OPN5: variants seen among roughly 807,000 people sequenced by gnomAD.
OPN5 encodes opsin 5.
Under a neutral mutation model 41.7 loss-of-function variants are expected in OPN5, and 18 were observed. That is an observed-to-expected ratio of 0.43 (90% CI 0.30 to 0.64). The LOEUF (loss-of-function observed/expected upper bound fraction) is 0.64, where lower values mean the gene tolerates loss of function less well. Among genes scored for constraint, OPN5 ranks in the 30% least tolerant of loss-of-function variants. OPN5 has a pLI of 0.13. For missense variants in OPN5, 318 were observed against 434.5 expected, an observed-to-expected ratio of 0.73 and a Z score of 2.38; for synonymous variants, 178 against 164.3, an observed-to-expected ratio of 1.08 and a Z score of -0.64.
intron 3 of OPN5, among the ~76,000 whole-genome samples, chr6:47,793,257 T>A (rs1773443510): frequency 6.6e-6 from 1 of 152,166 alleles, no homozygotes; most frequent in Non-Finnish European, 1.5e-5. Context: ...TGTTTTTAAA[T>A]ATTTTCTTGA....
At chr6:47,818,844 G>A (rs1208866567) in intron 6 of OPN5, among the ~76,000 whole-genome samples, 2 of 152,162 alleles carry the variant, frequency 1.3e-5, no homozygotes, top group South Asian at 2.1e-4. Flanking sequence ...AAGGGTTAGA[G>A]CAACTGGAGT....
chr6:47,825,142 T>G (rs1400529086), downstream of OPN5: 5 of 152,186 alleles, frequency 3.3e-5, no homozygotes, highest in Non-Finnish European at 5.9e-5. Context: ...AAATGCCTAA[T>G]GCATAAACAC....
intron 3 of OPN5, among the ~76,000 whole-genome samples, chr6:47,794,323 A>G (rs551570053): frequency 6.6e-6 from 1 of 152,350 alleles, no homozygotes; most frequent in South Asian, 2.1e-4. Flanking sequence ...AAACCAAGGC[A>G]GTAAAGAGTC....
intron 6 of OPN5, 120 bp from the exon 7 acceptor site, chr6:47,823,863 G>C (rs567441229): frequency 1.3e-6 from 1 of 762,920 alleles, no homozygotes; most frequent in Admixed American, 2.1e-5. Flanking sequence ...AATGTCCATC[G>C]CAATCCTGGT....
rs186901435 is a variant in OPN5, at chr6:47,803,358, G to C, written c.757-4796G>C. 2.0e-5 allele frequency among the ~76,000 whole-genome samples: 3 copies of C among 152,208 alleles called. No homozygotes were observed. In the East Asian group the frequency reaches 5.8e-4, roughly 29 times the overall value. On this transcript the variant is annotated intron_variant, in intron 4 of 6. Coordinates refer to ENST00000371211, the Ensembl canonical transcript of OPN5. ...TAGTAGTCTCATAACTGGAATTACTGTCTTTTAATATTATTTTCTTACTGG... is the reference window on the plus strand; with the variant it reads ...TAGTAGTCTCATAACTGGAATTACTCTCTTTTAATATTATTTTCTTACTGG...
intron 6 of OPN5, among the ~76,000 whole-genome samples, chr6:47,814,057 G>A (rs562216236): frequency 3.3e-4 from 50 of 152,164 alleles, no homozygotes; most frequent in African/African-American, 1.1e-3. Context: ...TCATTATAAC[G>A]ATATAGTTAT....
chr6:47,819,235 T>G (rs1762521717), intron 6 of OPN5, among the ~76,000 whole-genome samples: 8 of 150,360 alleles, frequency 5.3e-5, no homozygotes, highest in Admixed American at 3.3e-4. Flanking sequence ...CAAGAATATG[T>G]GGCTGTTGAA....
chr6:47,811,675 C>T, exon 6 of OPN5: 1 of 1,610,598 alleles, frequency 6.2e-7, no homozygotes, highest in Non-Finnish European at 8.5e-7. Flanking sequence ...TATATCTAGG[C>T]TGCACACCGT....
chr6:47,782,247 G>T (rs1773109865), intron 1 of OPN5, 51 bp downstream of exon 1: 2 of 1,569,772 alleles, frequency 1.3e-6, no homozygotes, highest in Admixed American at 3.4e-5. Context: ...AAAATTCATG[G>T]GCTGATATGT....
exon 7 of OPN5, chr6:47,824,019 C>T: frequency 6.5e-7 from 1 of 1,541,472 alleles, no homozygotes; most frequent in Non-Finnish European, 8.8e-7. Context: ...AAGAGTGCAT[C>T]TGAAGTGCTT....
chr6:47,782,306 C>T (rs550046252), intron 1 of OPN5, 110 bp downstream of exon 1: 92 of 999,190 alleles, frequency 9.2e-5, no homozygotes, highest in South Asian at 1.7e-4. Context: ...TTAGTGGAGG[C>T]GAAGAGTGGG....
intron 1 of OPN5, among the ~76,000 whole-genome samples, chr6:47,782,849 G>A (rs1036784213): frequency 7.2e-5 from 11 of 152,144 alleles, no homozygotes; most frequent in Non-Finnish European, 1.6e-4. Context: ...TCATTCAGTA[G>A]CCACATGTGG....
At chr6:47,815,144 A>C (rs1228428005) in intron 6 of OPN5, among the ~76,000 whole-genome samples, 1 of 152,172 alleles carries the variant, frequency 6.6e-6, no homozygotes, top group Non-Finnish European at 1.5e-5. Flanking sequence ...AAGTTTTTCT[A>C]AGTGGAATGA....
intron 4 of OPN5, among the ~76,000 whole-genome samples, chr6:47,803,175 C>A (rs1187335989): frequency 6.6e-6 from 1 of 152,070 alleles, no homozygotes; most frequent in Non-Finnish European, 1.5e-5. Context: ...TTCTTAATTT[C>A]TTAAAAGGTA....
Position 47,806,067 on chromosome 6 carries a change from T to C in OPN5, c.757-2087T>C, listed in dbSNP as rs556820427. Among the ~76,000 whole-genome samples, 93 of 152,016 alleles carry C rather than the reference T, an allele frequency of 6.1e-4. 4 individuals carry two copies. The South Asian group carries it at 0.017, about 28-fold the overall frequency. ...TCAGACTTGGGTCATGTGATGCCCA[T>C]GATGTCAACTTCATAAAGCAGCCTA... On this transcript the variant is annotated intron_variant, in intron 4 of 6. Transcript: ENST00000371211.
intron 4 of OPN5, among the ~76,000 whole-genome samples, chr6:47,806,886 G>C (rs534135634): frequency 6.6e-6 from 1 of 152,126 alleles, no homozygotes; most frequent in African/African-American, 2.4e-5. Context: ...GGCCAGGCGC[G>C]ATGGCTCATG....
At chr6:47,795,164 A>G (rs1773501684) in intron 3 of OPN5, 65 bp from the exon 4 acceptor site, 1 of 1,191,408 alleles carries the variant, frequency 8.4e-7, no homozygotes. Context: ...AATTTGACAT[A>G]TCGAGGGGAG....
At position 47,796,271 on chromosome 6, in the gene OPN5, T is replaced by C. The variant is rs192761818; in HGVS notation, c.756+708T>C. ...AACAGGAATAGTGATATCTGTCTTA[T>C]TGGGTTACGGTGGGAATTCAAAGAG... On this transcript the variant is annotated intron_variant, in intron 4 of 6. Transcript: ENST00000371211. Among the ~76,000 whole-genome samples, 115 of 152,350 alleles carry C rather than the reference T, an allele frequency of 7.5e-4. 1 individual carries two copies. The South Asian group carries it at 0.016, about 22-fold the overall frequency.
At chr6:47,803,956 C>A (rs1773868124) in intron 4 of OPN5, among the ~76,000 whole-genome samples, 1 of 152,200 alleles carries the variant, frequency 6.6e-6, no homozygotes, top group Non-Finnish European at 1.5e-5. Flanking sequence ...AGAAACATTA[C>A]CTGCTGGAAT....
Sources: allele counts gnomAD v4.1 joint callset (sites outside exome capture counted in the v4.1 genomes callset), GRCh38; gene constraint gnomAD v4.1.1; transcripts MANE v1.5; gene names NCBI Gene and HGNC (gene_info 2026-07-23, HGNC 2026-07-21).